The following CTNND2 variants were observed in gnomAD, a reference collection of about 807,000 sequenced individuals.
CTNND2 encodes the protein catenin delta-2.
In CTNND2, 22 loss-of-function variants were observed where a neutral mutation model predicts 144.4. That is an observed-to-expected ratio of 0.15 (90% CI 0.11 to 0.22). The LOEUF is 0.22. Among genes scored for constraint, CTNND2 ranks in the 10% least tolerant of loss-of-function variants. The pLI, the probability that CTNND2 is intolerant of heterozygous loss-of-function variation, is 1.00. For synonymous variants in CTNND2, 751 were observed against 695.6 expected (o/e 1.08, Z -1.25); for missense variants, 1,353 against 1,618.8 (o/e 0.84, Z 2.82).
chr5:11,083,125 C>T (rs1163673456), intron 15 of CTNND2, among the ~76,000 whole-genome samples: 2 of 152,102 alleles, frequency 1.3e-5, no homozygotes, highest in Non-Finnish European at 2.9e-5. Flanking sequence ...AAGCCATTTG[C>T]GTGATGCGTA....
Position 10,981,775 on chromosome 5 carries a change from G to T in CTNND2, c.3415C>A (p.Gln1139Lys). The change falls in exon 21 of 22, where the codon CAG becomes AAG. Residue 1139 changes from glutamine (Q) to lysine (K), a missense_variant and splice_region_variant. Gln to Lys is a moderately conservative substitution (Grantham distance 53). This residue lies in a region of CTNND2 where 459 missense variants were observed against 674.3 expected (regional missense o/e 0.68). Coordinates refer to ENST00000304623, the MANE Select transcript of CTNND2 (RefSeq NM_001332.4). The stretch of plus-strand genomic sequence containing the variant: ...CAAACGTGTTGCATTTACTTTACCT[G>T]GTTGTGTTTGATGTCTTCAGCGGGC... ...GAPAEDIKHN[Q>K]VSAQPVPQEP... is the part of the protein sequence containing the mutation. 6.2e-7 allele frequency: 1 copy of T among 1,612,324 alleles called. No homozygotes were observed. The highest frequency in any genetic ancestry group is 1.7e-4 in the Middle Eastern group (1 of 6,058).
intron 11 of CTNND2, among the ~76,000 whole-genome samples, chr5:11,167,979 T>C (rs1159207097): frequency 6.6e-6 from 1 of 152,066 alleles, no homozygotes; most frequent in Non-Finnish European, 1.5e-5. Flanking sequence ...GTGCTGGGAT[T>C]ACAGGCAGGA....
chr5:11,634,702 T>G (rs1463626486), intron 2 of CTNND2, among the ~76,000 whole-genome samples: 1 of 152,100 alleles, frequency 6.6e-6, no homozygotes, highest in Non-Finnish European at 1.5e-5. Flanking sequence ...ATGAGAAGAT[T>G]CCAGCACATT....
At chr5:11,404,997 G>A (rs780020554) in intron 5 of CTNND2, among the ~76,000 whole-genome samples, 40 of 152,058 alleles carry the variant, frequency 2.6e-4, no homozygotes, top group Non-Finnish European at 4.4e-4. Flanking sequence ...CCTCTGCCTC[G>A]CGGGGAAAAG....
chr5:11,172,833 G>A (rs1760067520), intron 11 of CTNND2, among the ~76,000 whole-genome samples: 4 of 152,212 alleles, frequency 2.6e-5, no homozygotes, highest in African/African-American at 9.6e-5. Context: ...TGCGTGGAGA[G>A]AGAGTGTTGG....
At chr5:11,522,610 G>A (rs1280727978) in intron 3 of CTNND2, among the ~76,000 whole-genome samples, 2 of 152,128 alleles carry the variant, frequency 1.3e-5, no homozygotes, top group Non-Finnish European at 2.9e-5. Flanking sequence ...TTCTCCATGC[G>A]AATGAGACCT....
chr5:11,301,769 C>T (rs1025282027), intron 9 of CTNND2, among the ~76,000 whole-genome samples: 12 of 152,208 alleles, frequency 7.9e-5, no homozygotes, highest in South Asian at 2.1e-4. Flanking sequence ...TACTACATTT[C>T]GATCACAAGC....
At chr5:11,655,872 C>T (rs2561625) in intron 2 of CTNND2, among the ~76,000 whole-genome samples, 55,292 of 151,370 alleles carry the variant, frequency 0.37, 13,260 homozygotes, top group African/African-American at 0.69. Context: ...CAAGTTGCTA[C>T]TTTTTTTTTC....
chr5:11,254,120 T>C (rs1743953470), intron 9 of CTNND2, among the ~76,000 whole-genome samples: 1 of 152,236 alleles, frequency 6.6e-6, no homozygotes, highest in Admixed American at 6.5e-5. Flanking sequence ...ATTTACATAA[T>C]TTACTGCAAT....
intron 2 of CTNND2, among the ~76,000 whole-genome samples, chr5:11,605,850 C>T (rs1780016389): frequency 6.6e-6 from 1 of 152,094 alleles, no homozygotes; most frequent in Admixed American, 6.6e-5. Context: ...CCGCCCAAGT[C>T]CCTGGTCCTG....
At chr5:11,682,092 G>C (rs1041559718) in intron 2 of CTNND2, among the ~76,000 whole-genome samples, 7 of 152,178 alleles carry the variant, frequency 4.6e-5, no homozygotes, top group Non-Finnish European at 8.8e-5. Context: ...GTAACGTCCT[G>C]CCATTGAGAC....
At chr5:11,086,830 T>G (rs61755743) in intron 15 of CTNND2, among the ~76,000 whole-genome samples, 115 of 152,350 alleles carry the variant, frequency 7.5e-4, no homozygotes, top group Middle Eastern at 3.4e-3. Context: ...ACTGAGGTGA[T>G]TCTGTGAAGG....
At chr5:11,287,700 GT>G (rs1561156319) in intron 9 of CTNND2, among the ~76,000 whole-genome samples, 1 of 152,326 alleles carries the variant, frequency 6.6e-6, no homozygotes, top group East Asian at 1.9e-4. Flanking sequence ...CATGCAAGAA[GT>G]GCAGGGGACA....
chr5:11,818,529 A>G (rs371439628), intron 1 of CTNND2, among the ~76,000 whole-genome samples: 4 of 151,950 alleles, frequency 2.6e-5, no homozygotes, highest in African/African-American at 9.7e-5. Flanking sequence ...CACCATGCCC[A>G]GCTAATTTAT....
At chr5:11,219,535 C>A (rs146562953) in intron 10 of CTNND2, among the ~76,000 whole-genome samples, 318 of 152,274 alleles carry the variant, frequency 2.1e-3, no homozygotes, top group Non-Finnish European at 3.2e-3. Flanking sequence ...GAATATATGA[C>A]CTTACATAGC....
chr5:11,851,571 T>G (rs1795015649), intron 1 of CTNND2, among the ~76,000 whole-genome samples: 1 of 152,196 alleles, frequency 6.6e-6, no homozygotes, highest in African/African-American at 2.4e-5. Context: ...CAGGGCCTGT[T>G]TGGAAATCCT....
At chr5:11,265,350 T>C (rs1203792505) in intron 9 of CTNND2, among the ~76,000 whole-genome samples, 1 of 152,044 alleles carries the variant, frequency 6.6e-6, no homozygotes, top group Non-Finnish European at 1.5e-5. Flanking sequence ...TTTCTGGTGG[T>C]TTTCCTAGCT....
intron 2 of CTNND2, among the ~76,000 whole-genome samples, chr5:11,700,140 T>A (rs142676762): frequency 0.022 from 3,419 of 152,194 alleles, 131 homozygotes; most frequent in African/African-American, 0.077. Context: ...GTAATCCCAG[T>A]GCTTTGGGAG....
chr5:11,872,539 G>A (rs1735220690), intron 1 of CTNND2, among the ~76,000 whole-genome samples: 1 of 152,148 alleles, frequency 6.6e-6, no homozygotes, highest in South Asian at 2.1e-4. Flanking sequence ...ATCCTCTCCA[G>A]CATCTGTTGT....
Sources: gnomAD v4.1 joint callset for allele counts (sites outside exome capture counted in the v4.1 genomes callset) on GRCh38, gnomAD v4.1.1 for gene constraint, gnomAD v4.1.1 regional missense constraint, MANE v1.5 for transcripts, NCBI Gene and HGNC (gene_info 2026-07-23, HGNC 2026-07-21) for gene names.